Variants in CCDC7 observed in about 807,000 individuals in gnomAD.
The protein encoded by CCDC7 is coiled-coil domain containing 7, also known as coiled-coil domain-containing protein 7.
In CCDC7, 183 loss-of-function variants were observed where a neutral mutation model predicts 196.9. The observed-to-expected ratio is 0.93, with a 90% confidence interval of 0.82 to 1.05. The LOEUF is 1.05. Among genes scored for constraint, CCDC7 ranks in the 50% least tolerant of loss-of-function variants. The probability of loss-of-function intolerance (pLI) is 0.00; values close to 1 mark genes in which losing one functional copy is unlikely to be tolerated. For missense variants in CCDC7, 1,540 were observed against 1,482.2 expected, an observed-to-expected ratio of 1.04 and a Z score of -0.64; for synonymous variants, 525 against 484.6, an observed-to-expected ratio of 1.08 and a Z score of -1.10.
chr10:32,714,348 T>C (rs1394018120), intron 25 of CCDC7, among the ~76,000 whole-genome samples: 1 of 152,146 alleles, frequency 6.6e-6, no homozygotes, highest in Admixed American at 6.5e-5. Context: ...GACTGTGCCA[T>C]GAGGGACAGT....
chr10:32,514,003 GAAATAA>G (rs2046641013), intron 9 of CCDC7: 1 of 152,098 alleles, frequency 6.6e-6, no homozygotes, highest in Non-Finnish European at 1.5e-5. Context: ...GGAAGAAAAG[GAAATAA>G]AAGTGTCTGC....
chr10:32,720,344 T>C (rs1362369707), intron 25 of CCDC7, among the ~76,000 whole-genome samples: 1 of 151,964 alleles, frequency 6.6e-6, no homozygotes, highest in Admixed American at 6.6e-5. Flanking sequence ...ACACCGCATG[T>C]TCTCTCTCAT....
intron 11 of CCDC7, among the ~76,000 whole-genome samples, chr10:32,541,595 A>T (rs1044848442): frequency 6.6e-6 from 1 of 152,222 alleles, no homozygotes; most frequent in African/African-American, 2.4e-5. Flanking sequence ...CTTGAGCCTC[A>T]TCTGGCAAGA....
chr10:32,685,309 T>C (rs1005334893), intron 21 of CCDC7, among the ~76,000 whole-genome samples: 2 of 152,168 alleles, frequency 1.3e-5, no homozygotes, highest in Non-Finnish European at 2.9e-5. Context: ...ATAGCTGTTG[T>C]ACCACATTAT....
At chr10:32,457,745 C>A (rs2034673228) in intron 3 of CCDC7, among the ~76,000 whole-genome samples, 1 of 152,016 alleles carries the variant, frequency 6.6e-6, no homozygotes, top group Admixed American at 6.5e-5. Flanking sequence ...GAGATGATAT[C>A]TCATTGTGGT....
intron 41 of CCDC7, among the ~76,000 whole-genome samples, chr10:32,870,944 C>A (rs1238106010): frequency 1.3e-5 from 2 of 152,110 alleles, no homozygotes; most frequent in Non-Finnish European, 2.9e-5. Flanking sequence ...AGGGATGAAG[C>A]CCACTTGATC....
intron 21 of CCDC7, among the ~76,000 whole-genome samples, chr10:32,680,398 T>C (rs972887113): frequency 6.6e-6 from 1 of 151,980 alleles, no homozygotes; most frequent in Non-Finnish European, 1.5e-5. Context: ...GAGTTTATGT[T>C]GGCCCATAGG....
intron 33 of CCDC7, among the ~76,000 whole-genome samples, chr10:32,838,146 A>T (rs2092750777): frequency 6.6e-6 from 1 of 152,076 alleles, no homozygotes; most frequent in South Asian, 2.1e-4. Flanking sequence ...TTAAAGCATA[A>T]AGGGGGTATA....
chr10:32,513,774 A>C (rs1440731926), intron 9 of CCDC7: 1 of 152,230 alleles, frequency 6.6e-6, no homozygotes, highest in South Asian at 2.1e-4. Flanking sequence ...TAGATTCAGT[A>C]AATGCACTTG....
chr10:32,633,026 A>T (rs1301609328), intron 18 of CCDC7, among the ~76,000 whole-genome samples: 1 of 152,124 alleles, frequency 6.6e-6, no homozygotes, highest in Non-Finnish European at 1.5e-5. Context: ...TCAGTCTATT[A>T]TTTAAAGTGG....
intron 18 of CCDC7, among the ~76,000 whole-genome samples, chr10:32,585,782 C>T (rs1340792286): frequency 6.6e-6 from 1 of 152,132 alleles, no homozygotes; most frequent in Non-Finnish European, 1.5e-5. Context: ...CATTGATGGG[C>T]ATTTGGGTTG....
intron 20 of CCDC7, among the ~76,000 whole-genome samples, chr10:32,662,618 T>A (rs181439020): frequency 1.1e-3 from 171 of 152,252 alleles, no homozygotes; most frequent in Admixed American, 2.0e-3. Flanking sequence ...ATAGATGTCT[T>A]TGAGAAGGGA....
At chr10:32,751,428 A>T (rs2075638891) in intron 28 of CCDC7, among the ~76,000 whole-genome samples, 1 of 152,052 alleles carries the variant, frequency 6.6e-6, no homozygotes, top group African/African-American at 2.4e-5. Context: ...AGTTTATTGG[A>T]AGCATGAATA....
intron 31 of CCDC7, among the ~76,000 whole-genome samples, chr10:32,816,392 T>C (rs1052455182): frequency 3.3e-5 from 5 of 152,210 alleles, no homozygotes; most frequent in Admixed American, 2.6e-4. Context: ...CCTGCCTCTG[T>C]AGACTCCACC....
rs56089046 is a variant in CCDC7 at position 32,619,910 on chromosome 10, C to CTTTTTTTTTT, written c.1802-14323_1802-14314dup. ...CACTGCTCCCAGCCCTTCAATGTAC[C>CTTTTTTTTTT]TTTTTTTTTTTTTTTTTTTTTTTTT... On this transcript the variant is annotated intron_variant, in intron 18 of 41. Coordinates refer to ENST00000639629, the Ensembl canonical transcript of CCDC7. Among the ~76,000 whole-genome samples, 154 of 79,268 alleles carry CTTTTTTTTTT rather than the reference C, an allele frequency of 1.9e-3. 20 individuals carry two copies. Among genetic ancestry groups the CTTTTTTTTTT allele is most frequent in the African/African-American group, 8.8e-3 (134 of 15,306 alleles). 52.0% of individuals were successfully genotyped at this position (79,268 alleles called of 152,430 possible).
chr10:32,759,288 C>G (rs1174861866), intron 28 of CCDC7, among the ~76,000 whole-genome samples: 1 of 152,172 alleles, frequency 6.6e-6, no homozygotes, highest in East Asian at 1.9e-4. Context: ...ATTGCCAAGT[C>G]AATCCTAAGC....
intron 41 of CCDC7, among the ~76,000 whole-genome samples, chr10:32,864,591 A>G (rs1237224421): frequency 6.6e-6 from 1 of 151,672 alleles, no homozygotes; most frequent in Non-Finnish European, 1.5e-5. Flanking sequence ...TAAAGATTAA[A>G]GATGAAGTGT....
At chr10:32,819,355 G>T (rs887329138) in intron 31 of CCDC7, among the ~76,000 whole-genome samples, 1 of 152,202 alleles carries the variant, frequency 6.6e-6, no homozygotes, top group Admixed American at 6.5e-5. Flanking sequence ...TCCAGGACCA[G>T]ATGGATTCAT....
chr10:32,558,983 C>A (rs982782087), intron 13 of CCDC7, among the ~76,000 whole-genome samples: 1 of 152,230 alleles, frequency 6.6e-6, no homozygotes, highest in Non-Finnish European at 1.5e-5. Flanking sequence ...GGTTTTCCAA[C>A]AGGCTTAAAA....
Sources: allele counts gnomAD v4.1 joint callset (sites outside exome capture counted in the v4.1 genomes callset), GRCh38; gene constraint gnomAD v4.1.1; transcripts MANE v1.5; gene names NCBI Gene and HGNC (gene_info 2026-07-23, HGNC 2026-07-21).